The following TAS2R1 variants were observed in gnomAD, a reference collection of about 807,000 sequenced individuals.
The protein encoded by TAS2R1 is taste receptor type 2 member 1.
For missense variants in TAS2R1, 370 were observed against 353.4 expected (o/e 1.05, Z -0.38); for synonymous variants, 141 against 134.2 (o/e 1.05, Z -0.35).
chr5:9,650,694 G>C (rs570123166), intron 2 of TAS2R1, among the ~76,000 whole-genome samples: 3 of 152,042 alleles, frequency 2.0e-5, no homozygotes, highest in South Asian at 2.1e-4. Flanking sequence ...CAAAAGACTT[G>C]GTCCGATTAT....
intron 1 of TAS2R1, among the ~76,000 whole-genome samples, chr5:9,679,332 A>G (rs1740950650): frequency 6.6e-6 from 1 of 152,218 alleles, no homozygotes; most frequent in Non-Finnish European, 1.5e-5. Context: ...AGCGCAAAGA[A>G]CGAACCTTAG....
the TAS2R1 span, among the ~76,000 whole-genome samples, chr5:9,810,013 C>T: frequency 6.6e-6 from 1 of 152,218 alleles, no homozygotes; most frequent in Non-Finnish European, 1.5e-5. Flanking sequence ...CTTTCCTTCT[C>T]TTACACTCAT....
intron 1 of TAS2R1, among the ~76,000 whole-genome samples, chr5:9,706,930 G>C (rs924245129): frequency 6.6e-6 from 1 of 152,024 alleles, no homozygotes; most frequent in Non-Finnish European, 1.5e-5. Context: ...TAAATGATGC[G>C]GTTTTTTTAA....
the TAS2R1 span, among the ~76,000 whole-genome samples, chr5:9,751,914 T>C: frequency 1.3e-5 from 2 of 152,226 alleles, no homozygotes; most frequent in African/African-American, 2.4e-5. Flanking sequence ...TGCATTCTAA[T>C]TGGGTCCTTG....
chr5:9,818,218 T>C, the TAS2R1 span, among the ~76,000 whole-genome samples: 1 of 152,182 alleles, frequency 6.6e-6, no homozygotes, highest in Non-Finnish European at 1.5e-5. Flanking sequence ...AATTGTGTTA[T>C]ACAAGTGGGC....
At chr5:9,738,189 T>C in the TAS2R1 span, among the ~76,000 whole-genome samples, 2 of 152,206 alleles carry the variant, frequency 1.3e-5, no homozygotes, top group Non-Finnish European at 1.5e-5. Context: ...ATTCTTTTAA[T>C]TCCCAGGAAA....
At chr5:9,851,126 C>T in the TAS2R1 span, among the ~76,000 whole-genome samples, 1 of 152,164 alleles carries the variant, frequency 6.6e-6, no homozygotes, top group Admixed American at 6.5e-5. Context: ...CTCTCAGGGA[C>T]TAGTATGCCT....
chr5:9,757,768 C>G, the TAS2R1 span, among the ~76,000 whole-genome samples: 2 of 152,074 alleles, frequency 1.3e-5, no homozygotes, highest in South Asian at 2.1e-4. Context: ...AACATAATTA[C>G]CACTGATAGA....
chr5:9,858,005 T>C, the TAS2R1 span, among the ~76,000 whole-genome samples: 5 of 151,964 alleles, frequency 3.3e-5, no homozygotes, highest in Non-Finnish European at 5.9e-5. Flanking sequence ...GGGGTGGGCA[T>C]GAAGTCTGGG....
chr5:9,711,290 A>G (rs1734655414), intron 1 of TAS2R1, among the ~76,000 whole-genome samples: 1 of 152,210 alleles, frequency 6.6e-6, no homozygotes, highest in African/African-American at 2.4e-5. Flanking sequence ...GTGAGTGGAT[A>G]AAGAAAATAC....
chr5:9,679,197 G>T (rs184083964), intron 1 of TAS2R1, among the ~76,000 whole-genome samples: 9 of 152,310 alleles, frequency 5.9e-5, no homozygotes, highest in Admixed American at 4.6e-4. Flanking sequence ...ATTGTCAGGG[G>T]ACAGGGGGAA....
the TAS2R1 span, among the ~76,000 whole-genome samples, chr5:9,842,316 C>CG: frequency 0.031 from 3,594 of 116,176 alleles, 89 homozygotes; most frequent in Middle Eastern, 0.052. Flanking sequence ...TTCTTTCTCT[C>CG]TTTTTTTTTT....
chr5:9,719,711 G>A, the TAS2R1 span, among the ~76,000 whole-genome samples: 3 of 151,806 alleles, frequency 2.0e-5, no homozygotes, highest in South Asian at 4.1e-4. Flanking sequence ...GGCGGATCAC[G>A]AGGTCAGGAA....
the TAS2R1 span, among the ~76,000 whole-genome samples, chr5:9,827,056 C>G: frequency 1.3e-5 from 2 of 152,176 alleles, no homozygotes; most frequent in African/African-American, 4.8e-5. Flanking sequence ...TCCTGAGCCT[C>G]AGAAATCTAT....
chr5:9,877,777 C>G, the TAS2R1 span, among the ~76,000 whole-genome samples: 1 of 152,216 alleles, frequency 6.6e-6, no homozygotes, highest in South Asian at 2.1e-4. Context: ...TGTATCAGAA[C>G]TCAACATGGA....
chr5:9,792,731 T>C, the TAS2R1 span, among the ~76,000 whole-genome samples: 177 of 152,230 alleles, frequency 1.2e-3, no homozygotes, highest in African/African-American at 4.0e-3. Flanking sequence ...GTGGTATGTA[T>C]GATGAAAAAA....
At chr5:9,771,244 G>A in the TAS2R1 span, among the ~76,000 whole-genome samples, 1 of 151,786 alleles carries the variant, frequency 6.6e-6, no homozygotes, top group Non-Finnish European at 1.5e-5. Context: ...CCAGATTTTG[G>A]CAAAGTTTTT....
At chr5:9,871,727 T>C in the TAS2R1 span, among the ~76,000 whole-genome samples, 3 of 152,244 alleles carry the variant, frequency 2.0e-5, no homozygotes, top group Non-Finnish European at 2.9e-5. Context: ...AGTCCATTGA[T>C]AGCTGTCATT....
At chr5:9,709,554 T>A (rs1359962246) in intron 1 of TAS2R1, among the ~76,000 whole-genome samples, 1 of 152,186 alleles carries the variant, frequency 6.6e-6, no homozygotes, top group East Asian at 1.9e-4. Context: ...GTGGTGGGAT[T>A]TTGTTTCTGA....
Sources: allele counts gnomAD v4.1 joint callset (sites outside exome capture counted in the v4.1 genomes callset), GRCh38; gene constraint gnomAD v4.1.1; transcripts MANE v1.5; gene names NCBI Gene and HGNC (gene_info 2026-07-23, HGNC 2026-07-21).